Variants in ELAC2 observed in about 807,000 individuals in gnomAD.
The protein encoded by ELAC2 is zinc phosphodiesterase ELAC protein 2.
In ELAC2, 92 loss-of-function variants were observed where a neutral mutation model predicts 105.2. That is an observed-to-expected ratio of 0.87 (90% CI 0.74 to 1.04). The LOEUF (loss-of-function observed/expected upper bound fraction) is 1.04, where lower values mean the gene tolerates loss of function less well. Among genes scored for constraint, ELAC2 ranks in the 50% least tolerant of loss-of-function variants. The pLI is 0.00. For synonymous variants in ELAC2, 468 were observed against 409.1 expected (o/e 1.14, Z -1.74); for missense variants, 1,099 against 1,071.7 (o/e 1.03, Z -0.36).
Position 12,991,836 on chromosome 17 carries a change from T to C in ELAC2, c.*982A>G, listed in dbSNP as rs1253387955. Among the ~76,000 whole-genome samples, 1 of 151,188 alleles carries C rather than the reference T, an allele frequency of 6.6e-6. No homozygotes were observed. Among genetic ancestry groups the C allele is most frequent in the Non-Finnish European group, 1.5e-5 (1 of 67,818 alleles). On this transcript the variant is annotated 3_prime_UTR_variant, in exon 24 of 24. Coordinates refer to ENST00000338034, the MANE Select transcript of ELAC2 (RefSeq NM_018127.7). ...CTGGGTAGGGAATATACACAATAAA[T>C]ACTAGATTCAACTTACTTACTTACT...
intron 3 of ELAC2, 106 bp downstream of exon 3, chr17:13,016,756 A>C (rs2041750571): frequency 1.8e-6 from 2 of 1,139,780 alleles, no homozygotes; most frequent in South Asian, 2.9e-5. Flanking sequence ...AAAAAAAAAA[A>C]AAAAAAAAAA....
At chr17:13,003,749 G>C (rs972679537) in intron 11 of ELAC2, 175 bp from the exon 12 acceptor site, 1 of 630,186 alleles carries the variant, frequency 1.6e-6, no homozygotes, top group South Asian at 1.8e-5. Context: ...CCCCGGTGCT[G>C]GGCCATTTCC....
intron 23 of ELAC2, 149 bp downstream of exon 23, chr17:12,993,538 G>A: frequency 8.7e-7 from 1 of 1,153,736 alleles, no homozygotes; most frequent in South Asian, 1.5e-5. Flanking sequence ...AACCCAGGGT[G>A]GTTCGACCTG....
At chr17:12,995,597 A>G in intron 19 of ELAC2, 106 bp downstream of exon 19, 1 of 1,133,956 alleles carries the variant, frequency 8.8e-7, no homozygotes, top group Non-Finnish European at 1.3e-6. Context: ...TGTCAAGGGC[A>G]AGGCTGCTGG....
At chr17:13,016,745 CAAAAAAA>C (rs879009279) in intron 3 of ELAC2, 110 bp downstream of exon 3, 49 of 653,152 alleles carry the variant, frequency 7.5e-5, no homozygotes, top group African/African-American at 1.0e-4. Flanking sequence ...ACGCCACTGA[CAAAAAAA>C]AAAAAAAAAA....
Position 12,992,832 on chromosome 17 carries a change from C to A in ELAC2, c.2467G>T (p.Val823Phe), listed in dbSNP as rs376515152. ...CTCCCAGATCTTCACTGGGCTCTGACCTTCTTGGCCTGTGGCTCCTCTGTG... is the reference window on the plus strand; with the variant it reads ...CTCCCAGATCTTCACTGGGCTCTGAACTTCTTGGCCTGTGGCTCCTCTGTG... The part of the protein sequence containing the change: ...AHTEEPQAKK[V>F]RAQ The change falls in exon 24 of 24, where the codon GTC becomes TTC. Residue 823 changes from valine to phenylalanine, a missense_variant. Transcript: ENST00000338034. The A allele has an allele frequency of 5.6e-6, 9 of 1,614,010 alleles. No homozygotes were observed. In the African/African-American group the frequency reaches 9.3e-5, roughly 17 times the overall value.
At chr17:12,995,278 C>T (rs570284343) in intron 19 of ELAC2, among the ~76,000 whole-genome samples, 7 of 152,284 alleles carry the variant, frequency 4.6e-5, no homozygotes, top group South Asian at 4.1e-4. Context: ...ATGCTGCCTC[C>T]GGCTCAGGCA....
chr17:13,011,004 G>A (rs8071540), intron 7 of ELAC2, among the ~76,000 whole-genome samples: 28,704 of 152,118 alleles, frequency 0.19, 2,760 homozygotes, highest in African/African-American at 0.22. Flanking sequence ...TATAATATAT[G>A]AAATAACACA....
Position 12,992,022 on chromosome 17 carries a change from GCAA to G in ELAC2, c.*793_*795del, listed in dbSNP as rs779411148. On this transcript the variant is annotated 3_prime_UTR_variant, in exon 24 of 24. Coordinates refer to ENST00000338034, the MANE Select transcript of ELAC2 (RefSeq NM_018127.7). ...GATCCTCACTCCTCTCAGTATGGAAGCAACAACACAGCAAATCTATTGTCTCCA... is the reference window on the plus strand; with the variant it reads ...GATCCTCACTCCTCTCAGTATGGAAGCAACACAGCAAATCTATTGTCTCCA... Among the ~76,000 whole-genome samples the G allele has an allele frequency of 3.9e-5, 6 of 152,296 alleles. No individual in the cohort carries two copies. In the East Asian group the frequency reaches 7.7e-4, roughly 20 times the overall value.
rs1268207825 is a variant in ELAC2 at position 13,017,930 on chromosome 17, C to T, written c.18G>A (p.Ser6=). 3 of 1,538,800 alleles carry T rather than the reference C, an allele frequency of 1.9e-6. No individual in the cohort carries two copies. The highest frequency in any genetic ancestry group is 2.0e-5 in the Admixed American group (1 of 51,008). Residue 6 remains serine (S), a synonymous_variant, in exon 1 of 24, where the codon TCG becomes TCA. Coordinates refer to ENST00000338034, the MANE Select transcript of ELAC2 (RefSeq NM_018127.7). Reference sequence around the variant, plus strand: ...TGCGTCCGGCCGCGGACCGCAGCAGCGAGCAAAGCGCCCACATGCGCCCGT... The same window carrying T: ...TGCGTCCGGCCGCGGACCGCAGCAGTGAGCAAAGCGCCCACATGCGCCCGT... The part of the protein sequence containing the change: MWALC[S]LLRSAAGRTM...
At chr17:12,994,653 A>C (rs1598196863) in intron 21 of ELAC2, 111 bp downstream of exon 21, 1 of 1,600,600 alleles carries the variant, frequency 6.2e-7, no homozygotes. Context: ...GAGGGTGGGG[A>C]CCTGAGTCTC....
chr17:12,998,954 C>T (rs1165099238), intron 15 of ELAC2, among the ~76,000 whole-genome samples: 1 of 152,218 alleles, frequency 6.6e-6, no homozygotes, highest in Non-Finnish European at 1.5e-5. Flanking sequence ...ACTAAATACA[C>T]CTCTTTTCTT....
At chr17:13,002,004 T>C (rs540283850) in intron 14 of ELAC2, among the ~76,000 whole-genome samples, 1 of 152,304 alleles carries the variant, frequency 6.6e-6, no homozygotes, top group Admixed American at 6.5e-5. Context: ...TGCAAGGCAA[T>C]TTTGGAAAAG....
intron 11 of ELAC2, 62 bp from the exon 12 acceptor site, chr17:13,003,636 C>T: frequency 6.7e-7 from 1 of 1,490,012 alleles, no homozygotes; most frequent in Non-Finnish European, 9.4e-7. Context: ...AGACAGGGAC[C>T]ACGCAGCCAG....
intron 17 of ELAC2, 133 bp from the exon 18 acceptor site, chr17:12,996,111 G>T: frequency 1.0e-6 from 1 of 986,244 alleles, no homozygotes; most frequent in Non-Finnish European, 1.6e-6. Flanking sequence ...AGCCGCAGTG[G>T]GGGTGGCACA....
At chr17:13,015,001 G>A (rs574147248) in intron 4 of ELAC2, among the ~76,000 whole-genome samples, 102 of 152,230 alleles carry the variant, frequency 6.7e-4, no homozygotes, top group Admixed American at 9.8e-4. Context: ...TCAGCGATGG[G>A]TACAGATGGA....
At position 13,000,137 on chromosome 17, in the gene ELAC2, T is replaced by C. The variant is rs1239972320; in HGVS notation, c.1423+19A>G. ...GCAGAGCCCAGGAAAGAAAGGCTGC[T>C]CTGTGGGCTCCCACTCACCTGCTGG... On this transcript the variant is annotated intron_variant, in intron 15 of 23. Coordinates refer to ENST00000338034, the MANE Select transcript of ELAC2 (RefSeq NM_018127.7). 6.2e-7 allele frequency: 1 copy of C among 1,607,932 alleles called. No individual in the cohort carries two copies. Among genetic ancestry groups the C allele is most frequent in the East Asian group, 2.2e-5 (1 of 44,834 alleles).
rs1555570387 is a variant in ELAC2, at chr17:12,991,840, A to AGATT, written c.*974_*977dup. The stretch of plus-strand genomic sequence containing the variant: ...GTAGGGAATATACACAATAAATACT[A>AGATT]GATTCAACTTACTTACTTACTTACT... On this transcript the variant is annotated 3_prime_UTR_variant, in exon 24 of 24. Coordinates refer to ENST00000338034, the MANE Select transcript of ELAC2 (RefSeq NM_018127.7). Among the ~76,000 whole-genome samples the AGATT allele has an allele frequency of 2.0e-5, 3 of 149,876 alleles. No homozygotes were observed. The highest frequency in any genetic ancestry group is 7.3e-5 in the African/African-American group (3 of 40,898).
At chr17:13,016,970 C>T in intron 2 of ELAC2, 38 bp from the exon 3 acceptor site, 1 of 1,613,404 alleles carries the variant, frequency 6.2e-7, no homozygotes, top group Non-Finnish European at 8.5e-7. Flanking sequence ...ATAACATGAA[C>T]AGAACAAGGA....
Sources: allele counts gnomAD v4.1 joint callset (sites outside exome capture counted in the v4.1 genomes callset), GRCh38; gene constraint gnomAD v4.1.1; transcripts MANE v1.5; gene names NCBI Gene and HGNC (gene_info 2026-07-23, HGNC 2026-07-21).